Variants in CGAS observed in about 807,000 individuals in gnomAD.
The protein encoded by CGAS is cyclic GMP-AMP synthase.
A neutral mutation model predicts 34.0 loss-of-function variants in CGAS; 31 were observed. The observed-to-expected ratio is 0.91, with a 90% CI of 0.69 to 1.23. The LOEUF (loss-of-function observed/expected upper bound fraction) is 1.23, where lower values mean the gene tolerates loss of function less well. CGAS is among the 50% of genes most tolerant of loss of function. CGAS has a pLI of 0.00. For synonymous variants in CGAS, 266 were observed against 260.0 expected, an observed-to-expected ratio of 1.02 and a Z score of -0.22; for missense variants, 597 against 657.6, an observed-to-expected ratio of 0.91 and a Z score of 1.01.
chr6:73,440,021 T>C (rs1228365341), intron 3 of CGAS, 188 bp downstream of exon 3: 6 of 542,994 alleles, frequency 1.1e-5, no homozygotes, highest in Non-Finnish European at 1.9e-5. Flanking sequence ...AGCTGAGTAT[T>C]TGATATTAAT....
chr6:73,426,349 G>GAAATGAAATGATAAAATAAA (rs1554237174), intron 4 of CGAS, among the ~76,000 whole-genome samples: 19 of 148,906 alleles, frequency 1.3e-4, no homozygotes, highest in Admixed American at 2.0e-4. Flanking sequence ...GAAATGAAAT[G>GAAATGAAATGATAAAATAAA]ATAAAATAAA....
chr6:73,427,278 CTTTATTTA>C (rs10628387), intron 4 of CGAS, among the ~76,000 whole-genome samples: 391 of 143,598 alleles, frequency 2.7e-3, no homozygotes, highest in African/African-American at 6.1e-3. Flanking sequence ...GGCCAACTTA[CTTTATTTA>C]TTTATTTATT....
Position 73,445,645 on chromosome 6 carries a change from T to C in CGAS, c.760A>G (p.Lys254Glu). 6.2e-7 allele frequency: 1 copy of C among 1,612,956 alleles called. No individual in the cohort carries two copies. Among genetic ancestry groups the C allele is most frequent in the Non-Finnish European group, 8.5e-7 (1 of 1,179,514 alleles). Reference protein sequence around the residue: ...NTRAYYFVKFKRNPKENPLSQ... With the variant: ...NTRAYYFVKFERNPKENPLSQ... ...AGAGGATTTTCTTTCGGATTTCTTTTAAATTTCACAAAGTAATATGCACGA... is the reference window on the plus strand; with the variant it reads ...AGAGGATTTTCTTTCGGATTTCTTTCAAATTTCACAAAGTAATATGCACGA... The change falls in exon 2 of 5, where the codon AAA (lysine) becomes GAA (glutamate). Residue 254 changes from lysine (K) to glutamate (E), a missense_variant. Lys to Glu is a moderately conservative substitution (Grantham distance 56, BLOSUM62 1). Coordinates refer to ENST00000370315, the MANE Select transcript of CGAS (RefSeq NM_138441.3).
chr6:73,436,087 G>T (rs1255545651), intron 3 of CGAS, among the ~76,000 whole-genome samples: 1 of 151,826 alleles, frequency 6.6e-6, no homozygotes, highest in South Asian at 2.1e-4. Flanking sequence ...ACTGAGACGG[G>T]AGGATCACTT....
intron 1 of CGAS, among the ~76,000 whole-genome samples, chr6:73,450,372 G>A (rs1194987457): frequency 3.4e-5 from 5 of 148,878 alleles, no homozygotes; most frequent in South Asian, 2.1e-4. Context: ...CTGAGATCGC[G>A]CCATTGCACT....
At position 73,451,896 on chromosome 6, in the gene CGAS, C is replaced by A; in HGVS notation, c.286G>T (p.Ala96Ser). ...CCCTCTGCCCCAGGGGCGCTGGTGG[C>A]GTCAGACGGCTGCGTGTCCTGGGCG... ...QRAQDTQPSD[A>S]TSAPGAEGLE... Residue 96 changes from alanine to serine, a missense_variant, in exon 1 of 5, where the codon GCC becomes TCC. By Grantham distance (99) the Ala-to-Ser change is moderately conservative (BLOSUM62 1). Coordinates refer to ENST00000370315, the MANE Select transcript of CGAS (RefSeq NM_138441.3). 1 of 1,530,346 alleles carries A rather than the reference C, an allele frequency of 6.5e-7. No homozygotes were observed. 94.8% of individuals were successfully genotyped at this position (1,530,346 alleles called of 1,614,324 possible).
At chr6:73,433,259 C>A (rs776667462) in intron 3 of CGAS, among the ~76,000 whole-genome samples, 1 of 151,250 alleles carries the variant, frequency 6.6e-6, no homozygotes, top group Non-Finnish European at 1.5e-5. Flanking sequence ...CAACTCTCTC[C>A]CATGTTTTTT....
chr6:73,429,618 A>G (rs1457096235), intron 3 of CGAS, among the ~76,000 whole-genome samples: 49 of 151,992 alleles, frequency 3.2e-4, no homozygotes, highest in Middle Eastern at 3.4e-3. Flanking sequence ...CAAGGTCGGG[A>G]GATCAAGACC....
In CGAS at chr6:73,425,007, C is replaced by T. The variant is rs1221942899; in HGVS notation, c.*220G>A. 5.9e-6 allele frequency: 2 copies of T among 336,568 alleles called. No homozygotes were observed. Among genetic ancestry groups the T allele is most frequent in the Admixed American group, 9.7e-5 (2 of 20,518 alleles). The allele number at this position is 336,568 out of a possible 1,614,324, so 20.8% of individuals were successfully genotyped here. On this transcript the variant is annotated 3_prime_UTR_variant, in exon 5 of 5. Coordinates refer to ENST00000370315, the MANE Select transcript of CGAS (RefSeq NM_138441.3). ...TAGCTGGGATTACAGGCATGCATCA[C>T]CATGCCCGGCTAATTTTTATATTTT... is the stretch of plus-strand genomic sequence containing the variant.
At chr6:73,437,527 C>A (rs1770299405) in intron 3 of CGAS, among the ~76,000 whole-genome samples, 1 of 151,998 alleles carries the variant, frequency 6.6e-6, no homozygotes, top group African/African-American at 2.4e-5. Flanking sequence ...CAGCCCTGAA[C>A]CCCTGGGCTC....
chr6:73,435,813 A>T (rs544666959), intron 3 of CGAS, among the ~76,000 whole-genome samples: 2 of 151,566 alleles, frequency 1.3e-5, no homozygotes, highest in African/African-American at 4.8e-5. Flanking sequence ...CCTTTTATTT[A>T]AAAAGGGGGT....
At position 73,451,741 on chromosome 6, in the gene CGAS, C is replaced by T. The variant is rs917474102; in HGVS notation, c.441G>A (p.Pro147=). 8.7e-6 allele frequency: 14 copies of T among 1,611,552 alleles called. No individual in the cohort carries two copies. Among genetic ancestry groups the T allele is most frequent in the Non-Finnish European group, 1.1e-5 (13 of 1,179,152 alleles). The change falls in exon 1 of 5, where the codon CCG becomes CCA. Residue 147 remains proline (P), a synonymous_variant. Transcript: ENST00000370315. ...GPWDVPSPGL[P]VSAPILVRRD... ...TCCGTACGAGAATGGGGGCCGAGAC[C>T]GGCAGGCCGGGGCTGGGCACGTCCC...
At chr6:73,448,382 A>C (rs1191301873) in intron 1 of CGAS, among the ~76,000 whole-genome samples, 4 of 152,164 alleles carry the variant, frequency 2.6e-5, no homozygotes, top group African/African-American at 7.2e-5. Flanking sequence ...AGGCAACAAG[A>C]GTGAAACTCT....
At chr6:73,442,597 CTT>C (rs66905880) in intron 2 of CGAS, among the ~76,000 whole-genome samples, 32 of 131,476 alleles carry the variant, frequency 2.4e-4, no homozygotes, top group African/African-American at 7.8e-4. Context: ...TTTTTTCTTT[CTT>C]TTTTTTTTTT....
intron 3 of CGAS, chr6:73,439,985 C>G (rs1185265023): frequency 1.5e-5 from 7 of 470,808 alleles, no homozygotes; most frequent in African/African-American, 4.0e-5. Flanking sequence ...AAATAAAATT[C>G]AAATATGGAT....
In CGAS at chr6:73,452,070, G is replaced by C. The variant is rs779830325; in HGVS notation, c.112C>G (p.Pro38Ala). The C allele has an allele frequency of 6.5e-7, 1 of 1,549,600 alleles. No homozygotes were observed. ...GGCAGGGCGGCCTCGGGGGCAGCCG[G>C]AGACTCGGTGGGATCCATCGGGGCG... Reference protein sequence around the residue: ...RGAPMDPTESPAAPEAALPKA... With the variant: ...RGAPMDPTESAAAPEAALPKA... Residue 38 changes from proline (P) to alanine (A), a missense_variant, in exon 1 of 5, where the codon CCG becomes GCG. Pro to Ala is a conservative substitution (Grantham distance 27). Coordinates refer to ENST00000370315, the MANE Select transcript of CGAS (RefSeq NM_138441.3).
At position 73,429,598 on chromosome 6, in the gene CGAS, G is replaced by A. The variant is rs549022904; in HGVS notation, c.1115-787C>T. Among the ~76,000 whole-genome samples the A allele has an allele frequency of 5.3e-4, 80 of 152,104 alleles. 1 individual carries two copies. The highest frequency in any genetic ancestry group is 3.4e-3 in the Middle Eastern group (1 of 294). ...TCCCAGCACCTTGGGAGGCCAAGGT[G>A]GGCGGATCACAAGGTCGGGAGATCA... On this transcript the variant is annotated intron_variant, in intron 3 of 4. Transcript: ENST00000370315.
chr6:73,432,080 T>C lies in CGAS; in HGVS notation c.1115-3269A>G, dbSNP rs574689831. On this transcript the variant is annotated intron_variant, in intron 3 of 4. Coordinates refer to ENST00000370315, the MANE Select transcript of CGAS (RefSeq NM_138441.3). ...CCTGGGGTCCAGCAATCCTCCCACC[T>C]CCCAAAGTGCTGGAATTACAGCTGT... Among the ~76,000 whole-genome samples, 360 of 152,184 alleles carry C rather than the reference T, an allele frequency of 2.4e-3. 3 individuals are homozygous for C. Among genetic ancestry groups the C allele is most frequent in the African/African-American group, 8.3e-3 (343 of 41,532 alleles).
intron 1 of CGAS, among the ~76,000 whole-genome samples, chr6:73,447,173 T>C (rs906847448): frequency 2.6e-5 from 4 of 152,276 alleles, no homozygotes; most frequent in African/African-American, 9.6e-5. Flanking sequence ...CACGATATAG[T>C]TGTCAATTAC....
Sources: gnomAD v4.1 joint callset for allele counts (sites outside exome capture counted in the v4.1 genomes callset) on GRCh38, gnomAD v4.1.1 for gene constraint, MANE v1.5 for transcripts, NCBI Gene and HGNC (gene_info 2026-07-23, HGNC 2026-07-21) for gene names.